SUMF1: variants seen among roughly 807,000 people sequenced by gnomAD.
The protein encoded by SUMF1 is formylglycine-generating enzyme.
In SUMF1, 48 loss-of-function variants were observed where a neutral mutation model predicts 47.6. That is an observed-to-expected ratio of 1.01 (90% confidence interval 0.80 to 1.28). The LOEUF is 1.28. Ranked by LOEUF, SUMF1 falls within the 50% of genes most tolerant of loss-of-function variation. The pLI is 0.00. For synonymous variants in SUMF1, 230 were observed against 192.1 expected (o/e 1.20, Z -1.63); for missense variants, 571 against 485.4 (o/e 1.18, Z -1.66).
intron 7 of SUMF1, among the ~76,000 whole-genome samples, chr3:4,394,183 G>A (rs1315661964): frequency 6.6e-6 from 1 of 151,782 alleles, no homozygotes. Context: ...TTTTTTGTGT[G>A]TTTTGAGACA....
intron 3 of SUMF1, among the ~76,000 whole-genome samples, chr3:4,422,239 T>C (rs1423566877): frequency 2.6e-5 from 4 of 152,118 alleles, no homozygotes; most frequent in Non-Finnish European, 5.9e-5. Flanking sequence ...ATTCATTCAG[T>C]GTCAAGGGAG....
At chr3:4,232,758 T>C (rs1181532386) in intron 8 of SUMF1, among the ~76,000 whole-genome samples, 7 of 152,090 alleles carry the variant, frequency 4.6e-5, no homozygotes, top group Non-Finnish European at 1.0e-4. Context: ...AAAAATTCAA[T>C]ATCTAATACA....
intron 8 of SUMF1, among the ~76,000 whole-genome samples, chr3:4,157,504 G>C (rs6770839): frequency 0.34 from 51,924 of 151,150 alleles, 9,992 homozygotes; most frequent in Non-Finnish European, 0.43. Context: ...TCTCTTCTTA[G>C]TTTTATATCA....
At chr3:4,206,580 G>A (rs1014829174) in intron 8 of SUMF1, among the ~76,000 whole-genome samples, 1 of 152,106 alleles carries the variant, frequency 6.6e-6, no homozygotes, top group Admixed American at 6.5e-5. Flanking sequence ...CAGAAGATGT[G>A]GCAAGGGTGT....
At chr3:4,148,128 A>C (rs1470859775) in intron 8 of SUMF1, among the ~76,000 whole-genome samples, 1 of 152,192 alleles carries the variant, frequency 6.6e-6, no homozygotes, top group East Asian at 1.9e-4. Context: ...CCTTTGAACA[A>C]ACATTTCTTT....
At chr3:4,151,341 CATAAAT>C (rs1268906541) in intron 8 of SUMF1, among the ~76,000 whole-genome samples, 1 of 146,776 alleles carries the variant, frequency 6.8e-6, no homozygotes, top group Non-Finnish European at 1.5e-5. Context: ...AGAAGAAAAA[CATAAAT>C]ATACATACAC....
At chr3:4,466,257 G>T (rs1375820078) in intron 1 of SUMF1, among the ~76,000 whole-genome samples, 2 of 151,522 alleles carry the variant, frequency 1.3e-5, no homozygotes, top group African/African-American at 4.8e-5. Context: ...GATTACAGGC[G>T]CCCGCCACCA....
Position 4,174,621 on chromosome 3 carries a change from C to T in SUMF1, c.1015-105876G>A, listed in dbSNP as rs145323993. Among the ~76,000 whole-genome samples the T allele has an allele frequency of 6.4e-3, 980 of 152,186 alleles. 16 individuals carry two copies. Among genetic ancestry groups the T allele is most frequent in the African/African-American group, 0.023 (935 of 41,526 alleles). On this transcript the variant is annotated intron_variant and NMD_transcript_variant, in intron 8 of 12. Coordinates refer to the SUMF1 transcript ENST00000448413. ...AATCTGCAGCTCCCAGCATGATCAA[C>T]GCAGAAGACAGGTGATTTCTGCATT...
intron 7 of SUMF1, among the ~76,000 whole-genome samples, chr3:4,389,596 T>C (rs1700787886): frequency 6.6e-6 from 1 of 152,216 alleles, no homozygotes. Context: ...AATACGTAAA[T>C]GTGAGAACTT....
intron 8 of SUMF1, among the ~76,000 whole-genome samples, chr3:4,177,190 C>G (rs1306885551): frequency 6.6e-6 from 1 of 152,070 alleles, no homozygotes; most frequent in African/African-American, 2.4e-5. Context: ...CAAGCAGACC[C>G]AATAGACATC....
At chr3:4,168,839 T>C (rs1034122854) in intron 8 of SUMF1, among the ~76,000 whole-genome samples, 12 of 152,164 alleles carry the variant, frequency 7.9e-5, no homozygotes, top group Admixed American at 3.9e-4. Flanking sequence ...GCTTAACAAA[T>C]ACTGGTTACA....
In SUMF1 at chr3:4,146,584, G is replaced by A. The variant is rs547302188; in HGVS notation, c.1015-77839C>T. Among the ~76,000 whole-genome samples, 6 of 151,638 alleles carry A rather than the reference G, an allele frequency of 4.0e-5. No homozygotes were observed. In the East Asian group the frequency reaches 7.8e-4, roughly 20 times the overall value. ...AAGTTCTAGGGTACATGTGCACAAC[G>A]TGCTGGTTAGTTACATATGTATACA... On this transcript the variant is annotated intron_variant and NMD_transcript_variant, in intron 8 of 12. Coordinates refer to the SUMF1 transcript ENST00000448413.
At chr3:4,405,974 A>G (rs201832715) in intron 7 of SUMF1, among the ~76,000 whole-genome samples, 1 of 152,152 alleles carries the variant, frequency 6.6e-6, no homozygotes, top group East Asian at 1.9e-4. Context: ...GGGTAAGAGG[A>G]ATATCAGCAA....
chr3:4,376,135 C>A (rs1244393450), intron 8 of SUMF1, among the ~76,000 whole-genome samples, 195 bp downstream of exon 8: 1 of 152,188 alleles, frequency 6.6e-6, no homozygotes, highest in Non-Finnish European at 1.5e-5. Flanking sequence ...TCATTCACAA[C>A]CTTTGTTACT....
chr3:4,040,010 C>T (rs1382557431), intron 9 of SUMF1, among the ~76,000 whole-genome samples: 1 of 151,944 alleles, frequency 6.6e-6, no homozygotes, highest in African/African-American at 2.4e-5. Context: ...CAACAGAGAC[C>T]TGTCTCAAGA....
intron 8 of SUMF1, among the ~76,000 whole-genome samples, chr3:4,321,135 TG>T: frequency 6.6e-6 from 1 of 152,200 alleles, no homozygotes; most frequent in Non-Finnish European, 1.5e-5. Context: ...GGATGATCCA[TG>T]TGGTAATGGA....
At chr3:4,083,400 C>T (rs1320351603) in intron 8 of SUMF1, among the ~76,000 whole-genome samples, 1 of 152,098 alleles carries the variant, frequency 6.6e-6, no homozygotes, top group African/African-American at 2.4e-5. Flanking sequence ...CCTTCAATGC[C>T]CATTGTGAGG....
chr3:4,248,065 TG>T (rs1696708497), intron 8 of SUMF1, among the ~76,000 whole-genome samples: 1 of 152,254 alleles, frequency 6.6e-6, no homozygotes, highest in African/African-American at 2.4e-5. Context: ...GGCATTATCA[TG>T]GCTTTTGATA....
chr3:4,366,036 A>T (rs1699942578), intron 8 of SUMF1, among the ~76,000 whole-genome samples: 3 of 151,764 alleles, frequency 2.0e-5, no homozygotes, highest in Non-Finnish European at 4.4e-5. Context: ...AGAATGTTGA[A>T]TATTGGCCCC....
Sources: gnomAD v4.1 joint callset for allele counts (sites outside exome capture counted in the v4.1 genomes callset) on GRCh38, gnomAD v4.1.1 for gene constraint, MANE v1.5 for transcripts, NCBI Gene and HGNC (gene_info 2026-07-23, HGNC 2026-07-21) for gene names.